The following EPHA4 variants were observed in gnomAD, a reference collection of about 807,000 sequenced individuals.
EPHA4 encodes the protein EPH receptor A4.
A neutral mutation model predicts 108.3 loss-of-function variants in EPHA4; 19 were observed. The observed-to-expected ratio is 0.18, with a 90% confidence interval of 0.12 to 0.26. The LOEUF is 0.26. EPHA4 is among the 10% of genes least tolerant of loss of function. The pLI, the probability that EPHA4 is intolerant of heterozygous loss-of-function variation, is 1.00. For synonymous variants in EPHA4, 449 were observed against 455.5 expected, an observed-to-expected ratio of 0.99 and a Z score of 0.18; for missense variants, 917 against 1,254.0, an observed-to-expected ratio of 0.73 and a Z score of 4.06.
intron 2 of EPHA4, among the ~76,000 whole-genome samples, chr2:221,566,945 A>AAGAG (rs1559297340): frequency 0.02 from 912 of 44,644 alleles, 247 homozygotes; most frequent in African/African-American, 0.048. Flanking sequence ...AAGGAGAAGG[A>AAGAG]GAAGGAGAAG....
At chr2:221,566,108 G>A (rs1334201162) in intron 2 of EPHA4, among the ~76,000 whole-genome samples, 1 of 152,102 alleles carries the variant, frequency 6.6e-6, no homozygotes, top group African/African-American at 2.4e-5. Context: ...CTACAACGAT[G>A]TTATCAGGAG....
chr2:221,539,145 GAGT>G (rs1693757931), intron 3 of EPHA4, among the ~76,000 whole-genome samples: 4 of 152,292 alleles, frequency 2.6e-5, no homozygotes, highest in South Asian at 4.1e-4. Flanking sequence ...GCAGTAGCAG[GAGT>G]AGGAGTAAGC....
intron 13 of EPHA4, among the ~76,000 whole-genome samples, chr2:221,435,040 T>C (rs1690187534): frequency 6.6e-6 from 1 of 152,218 alleles, no homozygotes. Context: ...TTCAATGTCC[T>C]AGGGTTCCAC....
intron 5 of EPHA4, among the ~76,000 whole-genome samples, chr2:221,472,461 G>A (rs1266551385): frequency 3.3e-5 from 5 of 152,126 alleles, no homozygotes; most frequent in Admixed American, 2.6e-4. Context: ...GGAACACACT[G>A]TGAGTCTATT....
intron 5 of EPHA4, among the ~76,000 whole-genome samples, chr2:221,480,185 C>G (rs1210373783): frequency 6.6e-6 from 1 of 151,926 alleles, no homozygotes; most frequent in African/African-American, 2.4e-5. Context: ...CCTACGTGTA[C>G]AGGGGGTCAT....
chr2:221,548,796 G>T (rs1289238249), intron 3 of EPHA4, among the ~76,000 whole-genome samples: 1 of 152,072 alleles, frequency 6.6e-6, no homozygotes, highest in Non-Finnish European at 1.5e-5. Context: ...CCAAAGCAGA[G>T]TACTCAACAT....
intron 4 of EPHA4, among the ~76,000 whole-genome samples, chr2:221,483,362 G>A (rs1395512005): frequency 6.6e-6 from 1 of 152,094 alleles, no homozygotes. Context: ...AAGAGTTTCT[G>A]AAATATGGGT....
In EPHA4 at chr2:221,436,756, G is replaced by A. The variant is rs111747462; in HGVS notation, c.2137-148C>T. The A allele has an allele frequency of 1.6e-3, 1,348 of 852,532 alleles. 18 individuals carry two copies. The African/African-American group carries it at 0.019, about 12-fold the overall frequency. The allele number at this position is 852,532 out of a possible 1,614,324, so 52.8% of individuals were successfully genotyped here. Reference sequence around the variant, plus strand: ...TTTCCAGGCCTTTCTGACCAAAGTCGCTAATTCACTAGTAGACTGTACCCT... The same window carrying A: ...TTTCCAGGCCTTTCTGACCAAAGTCACTAATTCACTAGTAGACTGTACCCT... On this transcript the variant is annotated intron_variant, in intron 12 of 17. Transcript: ENST00000281821.
rs942868961 is a variant in EPHA4, at chr2:221,450,979, C to G, written c.1715+4568G>C. Among the ~76,000 whole-genome samples the G allele has an allele frequency of 2.6e-5, 4 of 152,022 alleles. No homozygotes were observed. The East Asian group carries it at 7.7e-4, about 29-fold the overall frequency. On this transcript the variant is annotated intron_variant, in intron 8 of 17. Coordinates refer to ENST00000281821, the MANE Select transcript of EPHA4 (RefSeq NM_004438.5). ...CTGTAATCCCAGCACTCTGGGAGGC[C>G]GAGGTGGGCAGTTCACTTGAGGTCA...
intron 5 of EPHA4, among the ~76,000 whole-genome samples, chr2:221,478,944 G>T (rs779542509): frequency 6.6e-6 from 1 of 152,176 alleles, no homozygotes; most frequent in African/African-American, 2.4e-5. Context: ...TGTGTCAACT[G>T]GTTTTCAACC....
At chr2:221,426,748 G>T in intron 15 of EPHA4, 129 bp from the exon 16 acceptor site, 1 of 787,742 alleles carries the variant, frequency 1.3e-6, no homozygotes. Flanking sequence ...TGGAACAATT[G>T]TTGTTAAATG....
At chr2:221,505,767 T>C (rs911630707) in intron 3 of EPHA4, among the ~76,000 whole-genome samples, 2 of 152,140 alleles carry the variant, frequency 1.3e-5, no homozygotes, top group Non-Finnish European at 2.9e-5. Context: ...CATGCTACTC[T>C]TGCAAACGCA....
intron 17 of EPHA4, among the ~76,000 whole-genome samples, chr2:221,424,445 CTT>C (rs1349055422): frequency 6.7e-6 from 1 of 148,824 alleles, no homozygotes; most frequent in Non-Finnish European, 1.5e-5. Flanking sequence ...ATCAGCAACT[CTT>C]GTTTAAAAGT....
chr2:221,505,471 G>A (rs1007995420), intron 3 of EPHA4, among the ~76,000 whole-genome samples: 9 of 151,730 alleles, frequency 5.9e-5, no homozygotes, highest in South Asian at 2.1e-4. Context: ...GATTACAGGC[G>A]CCTGCCACTA....
intron 8 of EPHA4, among the ~76,000 whole-genome samples, chr2:221,451,735 T>G (rs1333280960): frequency 6.6e-6 from 1 of 152,136 alleles, no homozygotes; most frequent in East Asian, 1.9e-4. Context: ...TAAAATTAAG[T>G]TGCTTAACAT....
Position 221,419,800 on chromosome 2 carries a change from T to C in EPHA4, c.*1572A>G, listed in dbSNP as rs939560886. On this transcript the variant is annotated 3_prime_UTR_variant, in exon 18 of 18. Transcript: ENST00000281821. ...GGATGCTGAACATCTCTGGGTTGTC[T>C]TTCCAAGGGGATGGTCTCCAGGTCC... is the stretch of plus-strand genomic sequence containing the variant. The C allele has an allele frequency of 2.6e-5, 4 of 152,632 alleles. No individual in the cohort carries two copies. The highest frequency in any genetic ancestry group is 5.9e-5 in the Non-Finnish European group (4 of 68,048). 9.5% of individuals were successfully genotyped at this position (152,632 alleles called of 1,614,324 possible).
At chr2:221,445,639 G>A (rs182984244) in intron 9 of EPHA4, among the ~76,000 whole-genome samples, 2 of 149,088 alleles carry the variant, frequency 1.3e-5, no homozygotes, top group Admixed American at 1.3e-4. Flanking sequence ...TCACTCTAGA[G>A]CCACTTTTAA....
At chr2:221,556,647 C>T (rs1252304228) in intron 3 of EPHA4, among the ~76,000 whole-genome samples, 1 of 151,770 alleles carries the variant, frequency 6.6e-6, no homozygotes, top group Non-Finnish European at 1.5e-5. Flanking sequence ...TAATAGAGGA[C>T]AACCAGATTC....
At chr2:221,560,830 G>A (rs1051156562) in intron 3 of EPHA4, among the ~76,000 whole-genome samples, 19 of 152,116 alleles carry the variant, frequency 1.2e-4, no homozygotes, top group Non-Finnish European at 2.6e-4. Context: ...ATCTTTCCTC[G>A]TCTCTATATT....
Sources: gnomAD v4.1 joint callset for allele counts (sites outside exome capture counted in the v4.1 genomes callset) on GRCh38, gnomAD v4.1.1 for gene constraint, MANE v1.5 for transcripts, NCBI Gene and HGNC (gene_info 2026-07-23, HGNC 2026-07-21) for gene names.